Variants in ASCC1 observed in about 807,000 individuals in gnomAD.
ASCC1 encodes the protein activating signal cointegrator 1 complex subunit 1.
Under a neutral mutation model 46.6 loss-of-function variants are expected in ASCC1, and 35 were observed. The observed-to-expected ratio is 0.75, with a 90% confidence interval of 0.57 to 0.99. The LOEUF is 0.99. Among genes scored for constraint, ASCC1 ranks in the 50% least tolerant of loss-of-function variants. The pLI, the probability that ASCC1 is intolerant of heterozygous loss-of-function variation, is 0.00. For synonymous variants in ASCC1, 143 were observed against 146.6 expected (o/e 0.98, Z 0.18); for missense variants, 376 against 428.7 (o/e 0.88, Z 1.09).
intron 5 of ASCC1, among the ~76,000 whole-genome samples, chr10:72,195,139 G>GTTTTTTTTTTT (rs142672810): frequency 1.1e-4 from 7 of 61,034 alleles, no homozygotes; most frequent in East Asian, 4.9e-4. Context: ...TTTTTGCTGT[G>GTTTTTTTTTTT]TTTTTTTTTT....
chr10:72,206,910 C>T (rs940380593), intron 3 of ASCC1, among the ~76,000 whole-genome samples: 1 of 152,148 alleles, frequency 6.6e-6, no homozygotes, highest in Admixed American at 6.6e-5. Flanking sequence ...ACCACCACAG[C>T]ACCACCCTTT....
At position 72,128,010 on chromosome 10, in the gene ASCC1, G is replaced by C. The variant is rs1274989114; in HGVS notation, c.957+72C>G. 7 of 1,139,230 alleles carry C rather than the reference G, an allele frequency of 6.1e-6. No homozygotes were observed. In the East Asian group the frequency reaches 1.6e-4, roughly 27 times the overall value. The allele number at this position is 1,139,230 out of a possible 1,614,324, so 70.6% of individuals were successfully genotyped here. A position where few individuals can be genotyped will look rare whatever the true frequency, so the allele number is the denominator to read the frequency against. On this transcript the variant is annotated intron_variant, in intron 9 of 9. Transcript: ENST00000672957. ...GAAGAAGTATGAAGAAATATACGGA[G>C]AACTACTTGTTTTCCTGCCTTATTT...
chr10:72,176,268 C>T (rs923903041), intron 5 of ASCC1, among the ~76,000 whole-genome samples: 3 of 152,178 alleles, frequency 2.0e-5, no homozygotes, highest in Admixed American at 6.5e-5. Flanking sequence ...CTCAAGACAT[C>T]CTCCACACTG....
chr10:72,198,560 G>A (rs186088946), intron 4 of ASCC1: 53 of 455,750 alleles, frequency 1.2e-4, no homozygotes, highest in African/African-American at 9.8e-4. Context: ...GTGGTTGGAG[G>A]TGGAGAAGCT....
chr10:72,152,755 T>C lies in ASCC1; in HGVS notation c.746+114A>G. On this transcript the variant is annotated intron_variant, in intron 7 of 9. Transcript: ENST00000672957. ...ATTAAAAAAAAAGAGAGAGAAATAA[T>C]TAACATGTTCTTTACAATAAGAACT... The C allele has an allele frequency of 2.4e-6, 3 of 1,254,352 alleles. No homozygotes were observed. In the South Asian group the frequency reaches 4.1e-5, roughly 17 times the overall value. 77.7% of individuals were successfully genotyped at this position (1,254,352 alleles called of 1,614,324 possible).
chr10:72,170,291 G>C (rs1160610102), intron 5 of ASCC1, among the ~76,000 whole-genome samples: 1 of 152,068 alleles, frequency 6.6e-6, no homozygotes, highest in Non-Finnish European at 1.5e-5. Context: ...ACACTGACTG[G>C]ATGGTGTCAA....
chr10:72,162,885 G>C, intron 5 of ASCC1, among the ~76,000 whole-genome samples: 1 of 150,670 alleles, frequency 6.6e-6, no homozygotes, highest in African/African-American at 2.5e-5. Flanking sequence ...AGAGGTTGCA[G>C]TGAGCCAAGA....
chr10:72,136,718 T>C (rs1846263313), intron 7 of ASCC1, among the ~76,000 whole-genome samples: 1 of 152,200 alleles, frequency 6.6e-6, no homozygotes, highest in Non-Finnish European at 1.5e-5. Flanking sequence ...GCTCACTCTT[T>C]GGGTCCGCAC....
Position 72,199,000 on chromosome 10 carries a change from A to AG in ASCC1, c.311-2012dup, listed in dbSNP as rs941336614. On this transcript the variant is annotated intron_variant, in intron 4 of 9. Coordinates refer to ENST00000672957, the MANE Select transcript of ASCC1 (RefSeq NM_001198800.3). ...CCTGGCTAATTTTTGTATTCTTAGGAGAGACAGGGTTTCATCATGTTGGCC... is the reference window on the plus strand; with the variant it reads ...CCTGGCTAATTTTTGTATTCTTAGGAGGAGACAGGGTTTCATCATGTTGGCC... Among the ~76,000 whole-genome samples, 8 of 150,768 alleles carry AG rather than the reference A, an allele frequency of 5.3e-5. No individual in the cohort carries two copies. In the Admixed American group the frequency reaches 5.3e-4, roughly 10 times the overall value.
At chr10:72,155,426 G>T (rs1461755602) in intron 6 of ASCC1, among the ~76,000 whole-genome samples, 1 of 152,072 alleles carries the variant, frequency 6.6e-6, no homozygotes, top group Admixed American at 6.5e-5. Context: ...ACTGGAAAAA[G>T]GCATGAGGGA....
chr10:72,124,969 C>A (rs1177034340), intron 9 of ASCC1, among the ~76,000 whole-genome samples: 1 of 152,092 alleles, frequency 6.6e-6, no homozygotes, highest in Admixed American at 6.5e-5. Flanking sequence ...GCAAGACTTT[C>A]TTATTTTTAA....
intron 7 of ASCC1, among the ~76,000 whole-genome samples, chr10:72,139,680 G>T (rs1207318657): frequency 6.6e-6 from 1 of 152,142 alleles, no homozygotes; most frequent in Admixed American, 6.6e-5. Flanking sequence ...AGCATTCCAG[G>T]ACCATCTTTA....
intron 5 of ASCC1, among the ~76,000 whole-genome samples, chr10:72,189,386 C>A (rs1854036345): frequency 6.6e-6 from 1 of 151,210 alleles, no homozygotes; most frequent in Admixed American, 6.6e-5. Flanking sequence ...CTAGCCTGGG[C>A]AACAGAGCAA....
At chr10:72,118,239 C>A (rs749571647) in intron 9 of ASCC1, among the ~76,000 whole-genome samples, 2 of 151,648 alleles carry the variant, frequency 1.3e-5, no homozygotes, top group Non-Finnish European at 2.9e-5. Context: ...TGGTGGCACA[C>A]GCGTATAGTC....
intron 5 of ASCC1, among the ~76,000 whole-genome samples, chr10:72,186,372 T>C (rs906205730): frequency 4.6e-5 from 7 of 152,156 alleles, no homozygotes; most frequent in Admixed American, 2.6e-4. Context: ...ATCTTTTTCT[T>C]ATGCTATTAA....
intron 5 of ASCC1, among the ~76,000 whole-genome samples, chr10:72,195,310 T>A (rs1333166076): frequency 6.6e-6 from 1 of 151,792 alleles, no homozygotes; most frequent in South Asian, 2.1e-4. Flanking sequence ...CATGCCTGGA[T>A]AATTTTTGTA....
intron 7 of ASCC1, among the ~76,000 whole-genome samples, chr10:72,136,484 C>A (rs1846222680): frequency 6.6e-6 from 1 of 152,170 alleles, no homozygotes; most frequent in Non-Finnish European, 1.5e-5. Flanking sequence ...AAAAATGCAC[C>A]AATCAGCGCT....
intron 7 of ASCC1, among the ~76,000 whole-genome samples, chr10:72,150,054 G>A (rs1848143185): frequency 6.6e-6 from 1 of 151,996 alleles, no homozygotes; most frequent in African/African-American, 2.4e-5. Context: ...GCATGGTGGT[G>A]GGCATCTGTA....
At chr10:72,179,101 T>A (rs1852229801) in intron 5 of ASCC1, among the ~76,000 whole-genome samples, 1 of 152,146 alleles carries the variant, frequency 6.6e-6, no homozygotes, top group Non-Finnish European at 1.5e-5. Context: ...TGGAAAGCTC[T>A]GCTGCTTGTT....
Sources: allele counts gnomAD v4.1 joint callset (sites outside exome capture counted in the v4.1 genomes callset), GRCh38; gene constraint gnomAD v4.1.1; transcripts MANE v1.5; gene names NCBI Gene and HGNC (gene_info 2026-07-23, HGNC 2026-07-21).